SRGAP2C: variants seen among roughly 807,000 people sequenced by gnomAD.
SRGAP2C encodes SLIT-ROBO Rho GTPase activating protein 2C.
A neutral mutation model predicts 25.1 loss-of-function variants in SRGAP2C; 15 were observed. That is an observed-to-expected ratio of 0.60 (90% CI 0.40 to 0.92). The LOEUF (loss-of-function observed/expected upper bound fraction) is 0.92, where lower values mean the gene tolerates loss of function less well. SRGAP2C is among the 40% of genes least tolerant of loss of function. The pLI, the probability that SRGAP2C is intolerant of heterozygous loss-of-function variation, is 0.00. For missense variants in SRGAP2C, 144 were observed against 264.4 expected, an observed-to-expected ratio of 0.54 and a Z score of 3.16; for synonymous variants, 44 against 96.6, an observed-to-expected ratio of 0.46 and a Z score of 3.19.
intron 3 of SRGAP2C, among the ~76,000 whole-genome samples, chr1:121,314,795 A>G (rs1308121599): frequency 1.3e-5 from 2 of 151,898 alleles, no homozygotes; most frequent in African/African-American, 2.4e-5. Context: ...TCAGATCTCC[A>G]GCTGCCTGCT....
intron 2 of SRGAP2C, among the ~76,000 whole-genome samples, chr1:121,257,372 C>T (rs374390675): frequency 6.7e-6 from 1 of 149,114 alleles, no homozygotes; most frequent in South Asian, 2.1e-4. Flanking sequence ...CCTGGGCCTC[C>T]CAAAGTGCTG....
At chr1:121,212,597 C>T (rs1655294201) in intron 2 of SRGAP2C, among the ~76,000 whole-genome samples, 1 of 151,762 alleles carries the variant, frequency 6.6e-6, no homozygotes, top group Non-Finnish European at 1.5e-5. Flanking sequence ...AGACCCACTA[C>T]TCTGCAGGTC....
chr1:121,374,876 T>A lies in SRGAP2C; in HGVS notation c.753T>A (p.Asn251Lys). 1.3e-6 allele frequency: 1 copy of A among 779,670 alleles called. No homozygotes were observed. The highest frequency in any genetic ancestry group is 2.4e-5 in the East Asian group (1 of 41,208). 48.3% of individuals were successfully genotyped at this position (779,670 alleles called of 1,614,324 possible). The change falls in exon 7 of 10, where the codon AAT becomes AAA. Residue 251 changes from asparagine (N) to lysine (K), a missense_variant. By Grantham distance (94) the Asn-to-Lys change is moderately conservative. Transcript: ENST00000367123. The stretch of plus-strand genomic sequence containing the variant: ...AGCTGAAGGCCATCAAAGCCCAGAA[T>A]GAGTACTTGCTGGCTTTGGAGGCAA... ...ENKLKAIKAQ[N>K]EYLLALEATN...
At chr1:121,264,968 G>A (rs370174995) in intron 2 of SRGAP2C, among the ~76,000 whole-genome samples, 3 of 117,192 alleles carry the variant, frequency 2.6e-5, no homozygotes, top group African/African-American at 6.7e-5. Context: ...AGGCTGAGGC[G>A]GGTAGATCAC....
At chr1:121,226,120 AC>A (rs1655661181) in intron 2 of SRGAP2C, among the ~76,000 whole-genome samples, 1 of 150,914 alleles carries the variant, frequency 6.6e-6, no homozygotes, top group Non-Finnish European at 1.5e-5. Flanking sequence ...CTGTATATAA[AC>A]CATTTAATTT....
At chr1:121,305,909 T>G (rs1362763415) in intron 3 of SRGAP2C, among the ~76,000 whole-genome samples, 2 of 151,772 alleles carry the variant, frequency 1.3e-5, no homozygotes, top group Non-Finnish European at 2.9e-5. Flanking sequence ...AGGCTGGTTT[T>G]TAAAACCTTT....
intron 2 of SRGAP2C, among the ~76,000 whole-genome samples, chr1:121,257,266 T>C (rs1279438654): frequency 1.4e-5 from 2 of 145,300 alleles, no homozygotes; most frequent in East Asian, 2.0e-4. Context: ...CAGGCACGCA[T>C]CGCCATGCCC....
chr1:121,288,820 C>T (rs1466102258), intron 3 of SRGAP2C, among the ~76,000 whole-genome samples: 1 of 66,400 alleles, frequency 1.5e-5, no homozygotes, highest in Non-Finnish European at 2.9e-5. Context: ...TATTTACAAA[C>T]CTTGAGCTAG....
intron 4 of SRGAP2C, among the ~76,000 whole-genome samples, chr1:121,335,331 A>G (rs1286257679): frequency 4.3e-5 from 6 of 140,454 alleles, no homozygotes; most frequent in African/African-American, 1.4e-4. Flanking sequence ...ACAGAGCAAG[A>G]CTCCATCTCA....
intron 2 of SRGAP2C, among the ~76,000 whole-genome samples, chr1:121,243,788 T>TG (rs1410958349): frequency 2.3e-5 from 3 of 130,860 alleles, no homozygotes; most frequent in East Asian, 2.0e-4. Context: ...TTTTGTTTTT[T>TG]TTTTTTTTTG....
chr1:121,287,579 C>T (rs1657398293), intron 3 of SRGAP2C, among the ~76,000 whole-genome samples: 2 of 151,994 alleles, frequency 1.3e-5, no homozygotes, highest in African/African-American at 4.8e-5. Flanking sequence ...ATATCATATT[C>T]TCAGCTTATG....
chr1:121,238,799 G>A (rs1382328033), intron 2 of SRGAP2C, among the ~76,000 whole-genome samples: 12 of 122,988 alleles, frequency 9.8e-5, no homozygotes, highest in African/African-American at 3.9e-4. Context: ...TTTTTTTTTT[G>A]AGATGGGGTC....
intron 2 of SRGAP2C, among the ~76,000 whole-genome samples, chr1:121,205,900 A>T: frequency 8.9e-6 from 1 of 111,872 alleles, no homozygotes; most frequent in East Asian, 2.6e-4. Flanking sequence ...CCTATACGAA[A>T]GTAGTTAAAA....
At chr1:121,191,437 T>G (rs1216356173) in intron 2 of SRGAP2C, among the ~76,000 whole-genome samples, 1 of 151,806 alleles carries the variant, frequency 6.6e-6, no homozygotes, top group African/African-American at 2.4e-5. Context: ...GTTTTTTTTT[T>G]TCTTGAATAT....
rs1655108470 is a variant in SRGAP2C at position 121,206,349 on chromosome 1, G to A, written c.67+18836G>A. On this transcript the variant is annotated intron_variant, in intron 2 of 9. Transcript: ENST00000367123. ...ACCCAATAAATGTGTGCTGAGTGAG[G>A]GAGTAGACTCTTGGGCTGGAGCAGA... Among the ~76,000 whole-genome samples the A allele has an allele frequency of 2.0e-5, 3 of 152,280 alleles. No homozygotes were observed. The South Asian group carries it at 6.2e-4, about 32-fold the overall frequency.
intron 4 of SRGAP2C, among the ~76,000 whole-genome samples, chr1:121,336,713 C>T (rs1658522027): frequency 1.1e-5 from 1 of 88,264 alleles, no homozygotes. Flanking sequence ...TTTCAATAAA[C>T]TTTTGTCTCA....
chr1:121,198,872 G>A (rs1213127357), intron 2 of SRGAP2C, among the ~76,000 whole-genome samples: 1 of 151,636 alleles, frequency 6.6e-6, no homozygotes, highest in Non-Finnish European at 1.5e-5. Context: ...CTAAGGGAAA[G>A]TGCTGGATTG....
Position 121,257,396 on chromosome 1 carries a change from G to A in SRGAP2C, c.68-27407G>A, listed in dbSNP as rs1303120986. ...CCCAAAGTGCTGGGATTACAAGTGT[G>A]AGCCACCATGCCAGGCCCCATTGCC... On this transcript the variant is annotated intron_variant, in intron 2 of 9. Coordinates refer to ENST00000367123, the MANE Select transcript of SRGAP2C (RefSeq NM_001329984.2). Among the ~76,000 whole-genome samples the A allele has an allele frequency of 3.4e-5, 5 of 145,992 alleles. No individual in the cohort carries two copies. The Admixed American group carries it at 3.5e-4, about 10-fold the overall frequency.
At chr1:121,303,556 A>G (rs1657746636) in intron 3 of SRGAP2C, among the ~76,000 whole-genome samples, 1 of 150,600 alleles carries the variant, frequency 6.6e-6, no homozygotes, top group Non-Finnish European at 1.5e-5. Flanking sequence ...TTTAGTGGGA[A>G]ATGGTATTTA....
Sources: allele counts gnomAD v4.1 joint callset (sites outside exome capture counted in the v4.1 genomes callset), GRCh38; gene constraint gnomAD v4.1.1; transcripts MANE v1.5; gene names NCBI Gene and HGNC (gene_info 2026-07-23, HGNC 2026-07-21).